RNF17: variants seen among roughly 807,000 people sequenced by gnomAD.
RNF17 encodes the protein ring finger protein 17, also known as spermatogenesis associated 23.
In RNF17, 31 loss-of-function variants were observed where a neutral mutation model predicts 200.5. That is an observed-to-expected ratio of 0.15 (90% CI 0.12 to 0.21). The LOEUF is 0.21. RNF17 is among the 10% of genes least tolerant of loss of function. The pLI is 1.00. For missense variants in RNF17, 1,628 were observed against 1,905.1 expected (o/e 0.85, Z 2.71); for synonymous variants, 606 against 637.8 (o/e 0.95, Z 0.75).
chr13:24,764,309 G>A lies in RNF17; in HGVS notation c.106G>A (p.Gly36Arg). The change falls in exon 1 of 36, where the codon GGA (glycine) becomes AGA (arginine). Residue 36 changes from glycine (G) to arginine (R), a missense_variant. Coordinates refer to ENST00000255324, the MANE Select transcript of RNF17 (RefSeq NM_031277.3). The part of the protein sequence containing the change: ...GAAEIQCTRC[G>R]RRVSRSSGHH... ...CGCTGAAATCCAGTGCACCAGGTGT[G>A]GAAGGAGGGTATCCAGATCATCCGG... 6.2e-7 allele frequency: 1 copy of A among 1,609,940 alleles called. No homozygotes were observed. The highest frequency in any genetic ancestry group is 8.5e-7 in the Non-Finnish European group (1 of 1,177,450).
At chr13:24,790,249 G>A (rs1883678036) in intron 9 of RNF17, among the ~76,000 whole-genome samples, 1 of 152,114 alleles carries the variant, frequency 6.6e-6, no homozygotes, top group Non-Finnish European at 1.5e-5. Context: ...GAAAAAGGAA[G>A]TATGCATCTT....
At chr13:24,875,278 A>G (rs920979495) in intron 33 of RNF17, among the ~76,000 whole-genome samples, 3 of 152,334 alleles carry the variant, frequency 2.0e-5, no homozygotes, top group African/African-American at 7.2e-5. Flanking sequence ...GAATGGTGAT[A>G]TCATTTTTGC....
At chr13:24,885,440 A>G in the RNF17 span, 1 of 1,301,626 alleles carries the variant, frequency 7.7e-7, no homozygotes, top group East Asian at 2.3e-5. Flanking sequence ...TTCCAAAGCC[A>G]GATTCTGATA....
Position 24,767,352 on chromosome 13 carries a change from T to A in RNF17, c.211T>A (p.Cys71Ser). ...LMTEECTTII[C>S]PDCEVATAVN... ...GACTGAAGAATGCACCACAATTATATGCCCTGATTGTGAGGTAAGTGTTAT... is the reference window on the plus strand; with the variant it reads ...GACTGAAGAATGCACCACAATTATAAGCCCTGATTGTGAGGTAAGTGTTAT... Residue 71 changes from cysteine to serine, a missense_variant, in exon 2 of 36, where the codon TGC becomes AGC. Cys to Ser is a moderately radical substitution (Grantham distance 112). Coordinates refer to ENST00000255324, the MANE Select transcript of RNF17 (RefSeq NM_031277.3). 1 of 1,598,744 alleles carries A rather than the reference T, an allele frequency of 6.3e-7. No individual in the cohort carries two copies. The highest frequency in any genetic ancestry group is 8.6e-7 in the Non-Finnish European group (1 of 1,166,172).
chr13:24,793,396 G>A, intron 10 of RNF17, 50 bp downstream of exon 10: 1 of 1,484,328 alleles, frequency 6.7e-7, no homozygotes, highest in Non-Finnish European at 9.0e-7. Flanking sequence ...TCTGTAATTA[G>A]ACACAGTTGG....
At chr13:24,783,644 TC>T (rs1198728696) in intron 6 of RNF17, among the ~76,000 whole-genome samples, 1 of 152,126 alleles carries the variant, frequency 6.6e-6, no homozygotes, top group African/African-American at 2.4e-5. Context: ...AGGGATTATT[TC>T]CTTAATTTTC....
At chr13:24,852,239 C>G (rs960139561) in intron 24 of RNF17, among the ~76,000 whole-genome samples, 3 of 151,286 alleles carry the variant, frequency 2.0e-5, no homozygotes, top group Non-Finnish European at 4.4e-5. Context: ...CCCAGGTTCA[C>G]GCCATTCTCC....
intron 16 of RNF17, among the ~76,000 whole-genome samples, chr13:24,828,831 T>C (rs4769381): frequency 0.97 from 147,240 of 151,582 alleles, 71,648 homozygotes; most frequent in Middle Eastern, 1. Flanking sequence ...CTTTTTGAGA[T>C]GGTCTTACTC....
chr13:24,799,598 T>A lies in RNF17; in HGVS notation c.1589+14T>A. 6.5e-7 allele frequency: 1 copy of A among 1,532,762 alleles called. No homozygotes were observed. Among genetic ancestry groups the A allele is most frequent in the Non-Finnish European group, 9.0e-7 (1 of 1,113,354 alleles). The allele number at this position is 1,532,762 out of a possible 1,614,324, so 94.9% of individuals were successfully genotyped here. A position where few individuals can be genotyped will look rare whatever the true frequency, so the allele number is the denominator to read the frequency against. ...GATTGTCACTGGGTATGATATTTTA[T>A]AATATGTATCCTTGGCCTGCTTAGA... On this transcript the variant is annotated intron_variant, in intron 12 of 35. Transcript: ENST00000255324.
chr13:24,753,583 CCTGAGATGGGT>C, the RNF17 span, among the ~76,000 whole-genome samples: 1 of 152,018 alleles, frequency 6.6e-6, no homozygotes, highest in Non-Finnish European at 1.5e-5. Flanking sequence ...CAATTCTAGG[CCTGAGATGGGT>C]CTGAGAATAT....
intron 15 of RNF17, 68 bp downstream of exon 15, chr13:24,804,497 A>C: frequency 8.3e-7 from 1 of 1,204,780 alleles, no homozygotes; most frequent in Non-Finnish European, 1.2e-6. Flanking sequence ...TATAACAAGA[A>C]TGAGTATCTA....
At chr13:24,811,981 A>T (rs914601452) in intron 15 of RNF17, among the ~76,000 whole-genome samples, 1 of 151,906 alleles carries the variant, frequency 6.6e-6, no homozygotes, top group African/African-American at 2.4e-5. Flanking sequence ...GACCCACTTG[A>T]GGAGGCAGTC....
the RNF17 span, chr13:24,886,331 G>A: frequency 7.4e-5 from 95 of 1,289,258 alleles, no homozygotes; most frequent in Non-Finnish European, 8.2e-5. Flanking sequence ...GGAGGAGAGC[G>A]GAGGCAGGTG....
chr13:24,804,675 T>C (rs1885639697), intron 15 of RNF17, among the ~76,000 whole-genome samples: 1 of 152,178 alleles, frequency 6.6e-6, no homozygotes. Flanking sequence ...ATCTGGAGAC[T>C]AGGAAAGCAT....
intron 15 of RNF17, among the ~76,000 whole-genome samples, chr13:24,804,634 A>G (rs182196742): frequency 2.0e-5 from 3 of 152,316 alleles, no homozygotes; most frequent in Non-Finnish European, 4.4e-5. Context: ...AAGGATAATT[A>G]ATGTATAAAT....
chr13:24,771,936 G>A (rs1406550538), intron 2 of RNF17, among the ~76,000 whole-genome samples: 9 of 151,854 alleles, frequency 5.9e-5, no homozygotes, highest in Non-Finnish European at 1.2e-4. Flanking sequence ...CCCAGGAGGC[G>A]GAGGTTGCAG....
At chr13:24,761,917 C>T (rs894748150), upstream of RNF17, among the ~76,000 whole-genome samples, 3 of 152,134 alleles carry the variant, frequency 2.0e-5, no homozygotes, top group Non-Finnish European at 4.4e-5. Flanking sequence ...TTATGGCCCA[C>T]GATGAACACC....
intron 2 of RNF17, among the ~76,000 whole-genome samples, chr13:24,770,218 A>G (rs1197192039): frequency 6.6e-6 from 1 of 152,192 alleles, no homozygotes; most frequent in African/African-American, 2.4e-5. Context: ...AAGCATATCA[A>G]ATAGAAATCA....
At chr13:24,783,644 T>G (rs1882726169) in intron 6 of RNF17, among the ~76,000 whole-genome samples, 1 of 152,126 alleles carries the variant, frequency 6.6e-6, no homozygotes, top group African/African-American at 2.4e-5. Flanking sequence ...AGGGATTATT[T>G]CCTTAATTTT....
Sources: allele counts gnomAD v4.1 joint callset (sites outside exome capture counted in the v4.1 genomes callset), GRCh38; gene constraint gnomAD v4.1.1; transcripts MANE v1.5; gene names NCBI Gene and HGNC (gene_info 2026-07-23, HGNC 2026-07-21).